NT5DC1: variants seen among roughly 807,000 people sequenced by gnomAD.
The protein encoded by NT5DC1 is 5'-nucleotidase domain containing 1.
NT5DC1 carries 42 observed loss-of-function variants against 59.4 expected under a neutral mutation model. The observed-to-expected ratio is 0.71, with a 90% CI of 0.55 to 0.92. The LOEUF (loss-of-function observed/expected upper bound fraction) is 0.92. NT5DC1 is among the 40% of genes least tolerant of loss of function. NT5DC1 has a pLI of 0.00. For synonymous variants in NT5DC1, 172 were observed against 188.1 expected, an observed-to-expected ratio of 0.91 and a Z score of 0.70; for missense variants, 501 against 537.1, an observed-to-expected ratio of 0.93 and a Z score of 0.66.
chr6:116,239,911 G>A (rs1371725779), intron 11 of NT5DC1, among the ~76,000 whole-genome samples: 1 of 152,172 alleles, frequency 6.6e-6, no homozygotes, highest in Non-Finnish European at 1.5e-5. Context: ...AAATTTGGTA[G>A]AGACAAAAAC....
intron 6 of NT5DC1, among the ~76,000 whole-genome samples, chr6:116,167,206 A>ATTTTTTTTT (rs61348980): frequency 2.3e-5 from 2 of 87,796 alleles, no homozygotes; most frequent in African/African-American, 4.9e-5. Context: ...CAAATAGAAG[A>ATTTTTTTTT]TTTTTTTTTT....
intron 6 of NT5DC1, among the ~76,000 whole-genome samples, chr6:116,188,098 A>G (rs558731608): frequency 1.3e-5 from 2 of 152,178 alleles, no homozygotes; most frequent in South Asian, 2.1e-4. Context: ...AAATGTGCTT[A>G]TGCTTATTAA....
chr6:116,169,482 G>GT (rs1429938670), intron 6 of NT5DC1, among the ~76,000 whole-genome samples: 1 of 152,164 alleles, frequency 6.6e-6, no homozygotes, highest in Non-Finnish European at 1.5e-5. Flanking sequence ...GATAGGTGCC[G>GT]TAAGTTCTGT....
At chr6:116,142,343 TA>T (rs938704859) in intron 6 of NT5DC1, among the ~76,000 whole-genome samples, 15 of 151,420 alleles carry the variant, frequency 9.9e-5, no homozygotes, top group African/African-American at 3.6e-4. Context: ...TTTCAAGTTG[TA>T]AAAAAAAATT....
chr6:116,162,879 G>C (rs1490537880), intron 6 of NT5DC1, among the ~76,000 whole-genome samples: 2 of 152,016 alleles, frequency 1.3e-5, no homozygotes, highest in Non-Finnish European at 2.9e-5. Context: ...TGTAATCCCA[G>C]CACTTTGGGA....
chr6:116,121,660 A>G lies in NT5DC1; in HGVS notation c.529+3715A>G, dbSNP rs572738023. On this transcript the variant is annotated intron_variant, in intron 6 of 11. Coordinates refer to ENST00000319550, the MANE Select transcript of NT5DC1 (RefSeq NM_152729.3). ...GTTGTCCAGGTTTTCCTGGCACAGA[A>G]ATTCCAGCCGGTCCAGGGATTCCAG... 8.9e-5 allele frequency: 143 copies of G among 1,613,568 alleles called. No homozygotes were observed. The highest frequency in any genetic ancestry group is 1.2e-4 in the Non-Finnish European group (137 of 1,179,792).
intron 6 of NT5DC1, among the ~76,000 whole-genome samples, chr6:116,189,074 C>G (rs1781064548): frequency 6.6e-6 from 1 of 151,872 alleles, no homozygotes. Flanking sequence ...TATCAGTTTT[C>G]TCATTGCAAT....
intron 6 of NT5DC1, among the ~76,000 whole-genome samples, chr6:116,200,741 T>C (rs1254639862): frequency 6.6e-6 from 1 of 151,978 alleles, no homozygotes; most frequent in Admixed American, 6.6e-5. Flanking sequence ...CTTCATCTCT[T>C]CTCCCACTAG....
intron 6 of NT5DC1, chr6:116,122,091 G>A: frequency 2.3e-6 from 2 of 887,108 alleles, no homozygotes; most frequent in Non-Finnish European, 3.7e-6. Context: ...AGACAGAACA[G>A]TCTGAAATGG....
intron 6 of NT5DC1, among the ~76,000 whole-genome samples, chr6:116,176,928 C>T (rs971154495): frequency 2.6e-5 from 4 of 152,078 alleles, no homozygotes; most frequent in Admixed American, 6.5e-5. Context: ...TTTTTTGCCC[C>T]GTGTAATTTT....
Position 116,246,139 on chromosome 6 carries a change from A to G in NT5DC1, c.*2115A>G, listed in dbSNP as rs1771842612. ...AAAAAGAAAATATTAAAGAAGTTAT[A>G]TGAAGCAAAAAAATTGTATAAATGG... On this transcript the variant is annotated 3_prime_UTR_variant, in exon 12 of 12. Coordinates refer to ENST00000319550, the MANE Select transcript of NT5DC1 (RefSeq NM_152729.3). The G allele has an allele frequency of 6.6e-6, 1 of 152,190 alleles. No homozygotes were observed. Among genetic ancestry groups the G allele is most frequent in the Non-Finnish European group, 1.5e-5 (1 of 68,010 alleles). 9.4% of individuals were successfully genotyped at this position (152,190 alleles called of 1,614,324 possible).
intron 6 of NT5DC1, among the ~76,000 whole-genome samples, chr6:116,186,767 A>ATT (rs772751772): frequency 1.3e-4 from 20 of 151,582 alleles, no homozygotes; most frequent in Non-Finnish European, 2.2e-4. Flanking sequence ...TTCACTGGAG[A>ATT]TTTTTTCATT....
chr6:116,194,396 A>G (rs1781183339), intron 6 of NT5DC1, among the ~76,000 whole-genome samples: 3 of 152,074 alleles, frequency 2.0e-5, no homozygotes, highest in Admixed American at 2.0e-4. Flanking sequence ...AACAAAGCCT[A>G]GAAAGGGTAG....
chr6:116,153,964 A>G (rs1225727331), intron 6 of NT5DC1, among the ~76,000 whole-genome samples: 1 of 151,924 alleles, frequency 6.6e-6, no homozygotes, highest in African/African-American at 2.4e-5. Flanking sequence ...TATGTATTGC[A>G]TTTGGAAAAT....
chr6:116,103,740 C>G (rs1778709579), intron 1 of NT5DC1, among the ~76,000 whole-genome samples: 1 of 151,968 alleles, frequency 6.6e-6, no homozygotes, highest in Non-Finnish European at 1.5e-5. Context: ...GAGTGTGTCC[C>G]CCTCACATGA....
At chr6:116,205,412 C>T (rs1211388) in intron 6 of NT5DC1, among the ~76,000 whole-genome samples, 49,176 of 151,574 alleles carry the variant, frequency 0.32, 9,700 homozygotes, top group African/African-American at 0.55. Flanking sequence ...TGAGTAATTA[C>T]GAGATAATTT....
rs1396151216 is a variant in NT5DC1, at chr6:116,221,159, G to A, written c.635G>A (p.Gly212Glu). 1.3e-6 allele frequency: 2 copies of A among 1,593,014 alleles called. No individual in the cohort carries two copies. Among genetic ancestry groups the A allele is most frequent in the Admixed American group, 1.7e-5 (1 of 59,978 alleles). The change falls in exon 7 of 12, where the codon GGG (glycine) becomes GAG (glutamate). Residue 212 changes from glycine (G) to glutamate (E), a missense_variant. Coordinates refer to ENST00000319550, the MANE Select transcript of NT5DC1 (RefSeq NM_152729.3). ...KKWLRQLKNA[G>E]KILLLITSSH... ...TGGCTTCGACAGCTAAAGAATGCTG[G>A]GAAAATTCTTCTGTTAATTACCAGT...
chr6:116,104,071 G>A (rs1461213744), intron 1 of NT5DC1, among the ~76,000 whole-genome samples: 1 of 152,118 alleles, frequency 6.6e-6, no homozygotes, highest in Non-Finnish European at 1.5e-5. Flanking sequence ...ACTGTGAGGT[G>A]GTGATAGCTA....
chr6:116,121,975 C>A, intron 6 of NT5DC1: 1 of 1,606,118 alleles, frequency 6.2e-7, no homozygotes, highest in South Asian at 1.1e-5. Context: ...AAAGACACAC[C>A]CAACACACCC....
Sources: gnomAD v4.1 joint callset for allele counts (sites outside exome capture counted in the v4.1 genomes callset) on GRCh38, gnomAD v4.1.1 for gene constraint, MANE v1.5 for transcripts, NCBI Gene and HGNC (gene_info 2026-07-23, HGNC 2026-07-21) for gene names.